RBFOX1: variants seen among roughly 807,000 people sequenced by gnomAD.
RBFOX1 encodes RNA binding protein fox-1 homolog 1.
RBFOX1 carries 8 observed loss-of-function variants against 57.7 expected under a neutral mutation model. The ratio of observed to expected loss-of-function variants is 0.14; its 90% CI spans 0.08 to 0.25. The LOEUF (loss-of-function observed/expected upper bound fraction) is 0.25, where lower values mean the gene tolerates loss of function less well. RBFOX1 is among the 10% of genes least tolerant of loss of function. The pLI is 1.00. For synonymous variants in RBFOX1, 326 were observed against 222.4 expected, an observed-to-expected ratio of 1.47 and a Z score of -4.15; for missense variants, 611 against 548.5, an observed-to-expected ratio of 1.11 and a Z score of -1.14.
chr16:5,603,704 A>G (rs1044884853), downstream of RBFOX1, among the ~76,000 whole-genome samples: 1 of 152,206 alleles, frequency 6.6e-6, no homozygotes, highest in Admixed American at 6.5e-5. Flanking sequence ...TTGAGGTGGC[A>G]TGGTGGATGA....
chr16:6,388,530 A>G (rs956005302), intron 2 of RBFOX1, among the ~76,000 whole-genome samples: 1 of 151,934 alleles, frequency 6.6e-6, no homozygotes, highest in African/African-American at 2.4e-5. Context: ...AATTGTGTAT[A>G]TTTGTCGTGT....
At chr16:7,210,172 C>T (rs2090841595) in intron 4 of RBFOX1, among the ~76,000 whole-genome samples, 1 of 152,172 alleles carries the variant, frequency 6.6e-6, no homozygotes, top group South Asian at 2.1e-4. Context: ...ATGATTTTAT[C>T]AGTCAAGATC....
intron 2 of RBFOX1, among the ~76,000 whole-genome samples, chr16:5,564,589 T>C (rs187911897): frequency 1.1e-3 from 170 of 152,306 alleles, no homozygotes; most frequent in African/African-American, 4.0e-3. Flanking sequence ...TGGCTTAATC[T>C]GTGTGGTCTT....
chr16:5,365,455 G>T (rs372492486), intron 1 of RBFOX1, among the ~76,000 whole-genome samples: 11 of 152,250 alleles, frequency 7.2e-5, no homozygotes, highest in African/African-American at 2.6e-4. Flanking sequence ...AACACATGAG[G>T]CCAGGAGTTT....
chr16:6,787,025 G>C (rs1240950018), intron 3 of RBFOX1, among the ~76,000 whole-genome samples: 2 of 152,140 alleles, frequency 1.3e-5, no homozygotes. Flanking sequence ...GTTCAGGTTG[G>C]AATGTCAGAA....
intron 2 of RBFOX1, among the ~76,000 whole-genome samples, chr16:6,325,114 G>A (rs1424944053): frequency 1.3e-5 from 2 of 152,074 alleles, no homozygotes; most frequent in Non-Finnish European, 2.9e-5. Flanking sequence ...CCAGAACTTT[G>A]GGAGGCTGAG....
intron 1 of RBFOX1, among the ~76,000 whole-genome samples, chr16:5,416,051 G>C (rs914360844): frequency 6.6e-6 from 1 of 152,172 alleles, no homozygotes; most frequent in Non-Finnish European, 1.5e-5. Flanking sequence ...GTTTGACTGT[G>C]GCTAAGGAAC....
intron 5 of RBFOX1, among the ~76,000 whole-genome samples, chr16:7,561,734 A>G (rs1021291802): frequency 3.9e-5 from 6 of 152,238 alleles, no homozygotes; most frequent in African/African-American, 1.4e-4. Flanking sequence ...AAACCCAGGG[A>G]TGTTCAGGGA....
chr16:6,772,519 G>A (rs9932511), intron 3 of RBFOX1, among the ~76,000 whole-genome samples: 18,809 of 146,690 alleles, frequency 0.13, 2,550 homozygotes, highest in African/African-American at 0.34. Context: ...TATGTATATG[G>A]GTGGGTATGG....
chr16:5,328,692 C>T (rs1474485480), intron 1 of RBFOX1, among the ~76,000 whole-genome samples: 1 of 152,238 alleles, frequency 6.6e-6, no homozygotes, highest in African/African-American at 2.4e-5. Flanking sequence ...GTCCCAGCCT[C>T]CTGCGGAGCT....
intron 4 of RBFOX1, among the ~76,000 whole-genome samples, chr16:7,137,561 A>C (rs957963580): frequency 1.3e-5 from 2 of 152,184 alleles, no homozygotes; most frequent in Non-Finnish European, 2.9e-5. Flanking sequence ...CTGTGAGTCC[A>C]TTAAACCTCC....
chr16:7,043,341 T>A (rs2046813379), intron 3 of RBFOX1, among the ~76,000 whole-genome samples: 1 of 152,188 alleles, frequency 6.6e-6, no homozygotes, highest in Admixed American at 6.5e-5. Context: ...CTTTTTTAAA[T>A]AAAATGTACA....
intron 3 of RBFOX1, among the ~76,000 whole-genome samples, chr16:6,770,879 G>A (rs143208526): frequency 1.4e-3 from 207 of 152,314 alleles, no homozygotes; most frequent in African/African-American, 4.8e-3. Context: ...ATGCAACACA[G>A]TTGTCAGTGA....
chr16:6,791,962 C>T (rs1332102364), intron 3 of RBFOX1, among the ~76,000 whole-genome samples: 1 of 152,104 alleles, frequency 6.6e-6, no homozygotes, highest in Non-Finnish European at 1.5e-5. Flanking sequence ...ATTCTATTCC[C>T]AAATGTGTCT....
chr16:7,405,385 G>GT (rs1185128366), intron 4 of RBFOX1, among the ~76,000 whole-genome samples: 1 of 152,214 alleles, frequency 6.6e-6, no homozygotes, highest in Non-Finnish European at 1.5e-5. Flanking sequence ...GCGCTGTGCA[G>GT]TTTTTTCCCT....
intron 3 of RBFOX1, among the ~76,000 whole-genome samples, chr16:5,698,594 G>T (rs1032852499): frequency 2.0e-5 from 3 of 151,292 alleles, no homozygotes; most frequent in African/African-American, 7.2e-5. Flanking sequence ...TTCCACTCCT[G>T]AGTATACATT....
chr16:7,349,517 A>G (rs2097088089), intron 4 of RBFOX1, among the ~76,000 whole-genome samples: 1 of 134,242 alleles, frequency 7.4e-6, no homozygotes, highest in Non-Finnish European at 1.6e-5. Context: ...TGTGCACAGA[A>G]AATTTAAAAG....
intron 4 of RBFOX1, among the ~76,000 whole-genome samples, chr16:7,081,084 G>C (rs754770779): frequency 2.6e-5 from 4 of 152,130 alleles, no homozygotes; most frequent in Non-Finnish European, 5.9e-5. Context: ...ACCAAGGCTG[G>C]AGTGCAGTGG....
At chr16:7,352,188 G>A (rs553875934) in intron 4 of RBFOX1, among the ~76,000 whole-genome samples, 9 of 152,298 alleles carry the variant, frequency 5.9e-5, no homozygotes, top group Admixed American at 2.0e-4. Flanking sequence ...CAGCATGGCA[G>A]ATTTGCAGCT....
Sources: allele counts gnomAD v4.1 joint callset (sites outside exome capture counted in the v4.1 genomes callset), GRCh38; gene constraint gnomAD v4.1.1; transcripts MANE v1.5; gene names NCBI Gene and HGNC (gene_info 2026-07-23, HGNC 2026-07-21).